TMEM151B: variants seen among roughly 807,000 people sequenced by gnomAD.
TMEM151B encodes the protein transmembrane protein 151B, also known as transmembrane protein 193.
A neutral mutation model predicts 33.0 loss-of-function variants in TMEM151B; 18 were observed. The ratio of observed to expected loss-of-function variants is 0.55; its 90% CI spans 0.38 to 0.81. The LOEUF is 0.81. Among genes scored for constraint, TMEM151B ranks in the 30% least tolerant of loss-of-function variants. The pLI is 0.00. For synonymous variants in TMEM151B, 354 were observed against 373.6 expected, an observed-to-expected ratio of 0.95 and a Z score of 0.61; for missense variants, 672 against 843.4, an observed-to-expected ratio of 0.80 and a Z score of 2.52.
chr6:44,275,863 G>A lies in TMEM151B; in HGVS notation c.1037G>A (p.Gly346Asp), dbSNP rs898300064. 6.5e-7 allele frequency: 1 copy of A among 1,541,822 alleles called. No homozygotes were observed. Among genetic ancestry groups the A allele is most frequent in the Middle Eastern group, 1.7e-4 (1 of 5,974 alleles). ...EGPGSASSAG[G>D]GLSPSDELLP... The stretch of plus-strand genomic sequence containing the variant: ...CCGGGCTCGGCCAGCAGCGCAGGCG[G>A]TGGCCTCAGCCCCAGCGATGAGCTG... The change falls in exon 3 of 3, where the codon GGT becomes GAT. Residue 346 changes from glycine to aspartate, a missense_variant. Gly to Asp is a moderately conservative substitution (Grantham distance 94). Transcript: ENST00000451188.
In TMEM151B at chr6:44,270,838, G is replaced by A; in HGVS notation, c.96G>A (p.Ala32=). Residue 32 remains alanine, a synonymous_variant, in exon 1 of 3, where the codon GCG becomes GCA. Coordinates refer to ENST00000451188, the MANE Select transcript of TMEM151B (RefSeq NM_001137560.2). The part of the protein sequence containing the change: ...PGVSEELTAA[A]AAAAADEGPA... ...TCTCGGAGGAGCTCACGGCGGCGGC[G>A]GCAGCGGCGGCGGCGGACGAGGGCC... 2 of 1,127,534 alleles carry A rather than the reference G, an allele frequency of 1.8e-6. 1 individual carries two copies. Among genetic ancestry groups the A allele is most frequent in the Non-Finnish European group, 2.2e-6 (2 of 923,510 alleles). The allele number at this position is 1,127,534 out of a possible 1,614,324, so 69.8% of individuals were successfully genotyped here. A position where few individuals can be genotyped will look rare whatever the true frequency, so the allele number is the denominator to read the frequency against.
rs1196721506 is a variant in TMEM151B, at chr6:44,276,218, T to G, written c.1392T>G (p.Gly464=). 1.6e-6 allele frequency: 2 copies of G among 1,288,734 alleles called. No individual in the cohort carries two copies. Among genetic ancestry groups the G allele is most frequent in the African/African-American group, 3.1e-5 (2 of 64,254 alleles). The allele number at this position is 1,288,734 out of a possible 1,614,324, so 79.8% of individuals were successfully genotyped here. ...GCCCGCGGGCCGGCCCGGGGCCCGG[T>G]GGGGGCGCGGGCTGCGGGGGCAGCC... The part of the protein sequence containing the change: ...CASPRAGPGP[G]GGAGCGGSRF... The change falls in exon 3 of 3, where the codon GGT becomes GGG. Residue 464 remains glycine, a synonymous_variant. Transcript: ENST00000451188.
In TMEM151B at chr6:44,275,891, GC is replaced by G. The variant is rs1225043125; in HGVS notation, c.1070del (p.Pro357ArgfsTer12). ...GGLSPSDELLPPLTHRLPRVN... is the reference protein window; with the variant it reads ...GGLSPSDELLXPLTHRLPRVN... ...GCCTCAGCCCCAGCGATGAGCTGCT[GC>G]CCCCGCTCACCCACCGCCTGCCGCG... On this transcript the variant is annotated frameshift_variant, in exon 3 of 3. Coordinates refer to ENST00000451188, the MANE Select transcript of TMEM151B (RefSeq NM_001137560.2). LOFTEE classifies it high-confidence loss of function. 4 of 1,534,472 alleles carry G rather than the reference GC, an allele frequency of 2.6e-6. No individual in the cohort carries two copies. Among genetic ancestry groups the G allele is most frequent in the Non-Finnish European group, 2.6e-6 (3 of 1,140,994 alleles).
Position 44,270,720 on chromosome 6 carries a change from G to C in TMEM151B, c.-23G>C. The C allele has an allele frequency of 9.5e-7, 1 of 1,049,160 alleles. No individual in the cohort carries two copies. Among genetic ancestry groups the C allele is most frequent in the Non-Finnish European group, 1.2e-6 (1 of 851,032 alleles). 65.0% of individuals were successfully genotyped at this position (1,049,160 alleles called of 1,614,324 possible). ...CTGGCAGCCCCCCGGGAGGTCCTGAGCTCGACGCGCCCCCTCTACGCCATG... is the reference window on the plus strand; with the variant it reads ...CTGGCAGCCCCCCGGGAGGTCCTGACCTCGACGCGCCCCCTCTACGCCATG... On this transcript the variant is annotated 5_prime_UTR_variant, in exon 1 of 3. Transcript: ENST00000451188.
rs1339349626 is a variant in TMEM151B at position 44,276,219 on chromosome 6, G to T, written c.1393G>T (p.Gly465Trp). 7.7e-7 allele frequency: 1 copy of T among 1,291,508 alleles called. No individual in the cohort carries two copies. Among genetic ancestry groups the T allele is most frequent in the Non-Finnish European group, 9.8e-7 (1 of 1,023,250 alleles). The allele number at this position is 1,291,508 out of a possible 1,614,324, so 80.0% of individuals were successfully genotyped here. A position where few individuals can be genotyped will look rare whatever the true frequency, so the allele number is the denominator to read the frequency against. The change falls in exon 3 of 3, where the codon GGG (glycine) becomes TGG (tryptophan). Residue 465 changes from glycine to tryptophan, a missense_variant. Gly to Trp is a radical substitution (Grantham distance 184). Transcript: ENST00000451188. ...ASPRAGPGPG[G>W]GAGCGGSRFS... Reference sequence around the variant, plus strand: ...CCCGCGGGCCGGCCCGGGGCCCGGTGGGGGCGCGGGCTGCGGGGGCAGCCG... The same window carrying T: ...CCCGCGGGCCGGCCCGGGGCCCGGTTGGGGCGCGGGCTGCGGGGGCAGCCG...
At chr6:44,274,944 C>A (rs929048207) in intron 2 of TMEM151B, among the ~76,000 whole-genome samples, 1 of 151,822 alleles carries the variant, frequency 6.6e-6, no homozygotes, top group African/African-American at 2.4e-5. Flanking sequence ...TAGTGAAACC[C>A]CGTCTCTACT....
Position 44,273,490 on chromosome 6 carries a change from C to G in TMEM151B, c.560C>G (p.Ala187Gly). The G allele has an allele frequency of 6.5e-7, 1 of 1,544,146 alleles. No individual in the cohort carries two copies. The highest frequency in any genetic ancestry group is 1.2e-5 in the South Asian group (1 of 83,922). Residue 187 changes from alanine to glycine, a missense_variant, in exon 2 of 3, where the codon GCC becomes GGC. This residue lies in a region of TMEM151B where 285 missense variants were observed against 423.1 expected (regional missense o/e 0.67). Coordinates refer to ENST00000451188, the MANE Select transcript of TMEM151B (RefSeq NM_001137560.2). ...RQVTRYRNGD[A>G]YTTTQVYHER... The stretch of plus-strand genomic sequence containing the variant: ...GTCACCAGATACCGCAATGGAGACG[C>G]CTATACCACCACCCAGGTGAGGAGC...
chr6:44,271,937 G>A (rs1437037102), intron 1 of TMEM151B, among the ~76,000 whole-genome samples: 1 of 151,314 alleles, frequency 6.6e-6, no homozygotes, highest in Non-Finnish European at 1.5e-5. Flanking sequence ...AAGCTAGACA[G>A]CACAGAGGAG....
rs897831668 is a variant in TMEM151B, at chr6:44,270,895, C to G, written c.135+18C>G. ...GAGAGGAGGTGAGAGTCTAGGGCGC[C>G]CCTTCCCCGGGCGCGGCCGCAGCCT... On this transcript the variant is annotated intron_variant, in intron 1 of 2. Coordinates refer to ENST00000451188, the MANE Select transcript of TMEM151B (RefSeq NM_001137560.2). 3 of 1,073,954 alleles carry G rather than the reference C, an allele frequency of 2.8e-6. No individual in the cohort carries two copies. The highest frequency in any genetic ancestry group is 3.4e-6 in the Non-Finnish European group (3 of 889,112). 66.5% of individuals were successfully genotyped at this position (1,073,954 alleles called of 1,614,324 possible).
rs1782605095 is a variant in TMEM151B, at chr6:44,276,694, G to A, written c.*167G>A. On this transcript the variant is annotated 3_prime_UTR_variant, in exon 3 of 3. Transcript: ENST00000451188. Reference sequence around the variant, plus strand: ...CCCGGATGGGGCCGAGACCCCCGCTGTCCCTGTACATAAAGAGACCGATGG... The same window carrying A: ...CCCGGATGGGGCCGAGACCCCCGCTATCCCTGTACATAAAGAGACCGATGG... 8.0e-7 allele frequency: 1 copy of A among 1,247,494 alleles called. No homozygotes were observed. The highest frequency in any genetic ancestry group is 1.0e-6 in the Non-Finnish European group (1 of 992,466). The allele number at this position is 1,247,494 out of a possible 1,614,324, so 77.3% of individuals were successfully genotyped here. A position where few individuals can be genotyped will look rare whatever the true frequency, so the allele number is the denominator to read the frequency against.
At position 44,275,435 on chromosome 6, in the gene TMEM151B, G is replaced by A. The variant is rs553795413; in HGVS notation, c.609G>A (p.Ala203=). The A allele has an allele frequency of 6.5e-6, 10 of 1,535,788 alleles. No individual in the cohort carries two copies. The highest frequency in any genetic ancestry group is 4.1e-5 in the African/African-American group (3 of 72,758). Residue 203 remains alanine (A), a synonymous_variant, in exon 3 of 3, where the codon GCG becomes GCA. Coordinates refer to ENST00000451188, the MANE Select transcript of TMEM151B (RefSeq NM_001137560.2). Reference sequence around the variant, plus strand: ...ACGAACGCGTCAACACGCACGTGGCGGAGGCTGAGTTCGACTACGCGCGCT... The same window carrying A: ...ACGAACGCGTCAACACGCACGTGGCAGAGGCTGAGTTCGACTACGCGCGCT... ...VYHERVNTHV[A]EAEFDYARCG...
rs1474467778 is a variant in TMEM151B, at chr6:44,275,559, G to A, written c.733G>A (p.Ala245Thr). The A allele has an allele frequency of 6.4e-7, 1 of 1,550,780 alleles. No individual in the cohort carries two copies. The highest frequency in any genetic ancestry group is 8.7e-7 in the Non-Finnish European group (1 of 1,146,658). Residue 245 changes from alanine to threonine, a missense_variant, in exon 3 of 3, where the codon GCC becomes ACC. By Grantham distance (58) the Ala-to-Thr change is moderately conservative. Transcript: ENST00000451188. The part of the protein sequence containing the change: ...TKCFSFASVE[A>T]ENAYLCQRAR... Reference sequence around the variant, plus strand: ...GTGCTTCAGTTTCGCCAGCGTGGAGGCCGAGAACGCGTACCTGTGCCAGCG... The same window carrying A: ...GTGCTTCAGTTTCGCCAGCGTGGAGACCGAGAACGCGTACCTGTGCCAGCG...
intron 1 of TMEM151B, 85 bp downstream of exon 1, chr6:44,270,962 C>T: frequency 1.1e-6 from 1 of 942,452 alleles, no homozygotes; most frequent in Non-Finnish European, 1.3e-6. Flanking sequence ...GCTGGTTCCG[C>T]CGCAGCGCGG....
At position 44,278,604 on chromosome 6, in the gene TMEM151B, A is replaced by G. The variant is rs2153339145; in HGVS notation, c.*2077A>G. On this transcript the variant is annotated 3_prime_UTR_variant, in exon 3 of 3. Coordinates refer to ENST00000451188, the MANE Select transcript of TMEM151B (RefSeq NM_001137560.2). ...CCTCCCTCAGGCCTGTTCCTGAGAC[A>G]GAGCCTGGTCTCACAAGAGGGGAAG... The G allele has an allele frequency of 6.6e-6, 1 of 152,314 alleles. No homozygotes were observed. Among genetic ancestry groups the G allele is most frequent in the Non-Finnish European group, 1.5e-5 (1 of 68,028 alleles). 9.4% of individuals were successfully genotyped at this position (152,314 alleles called of 1,614,324 possible).
Position 44,275,589 on chromosome 6 carries a change from C to T in TMEM151B, c.763C>T (p.Arg255Cys). The T allele has an allele frequency of 6.4e-7, 1 of 1,550,984 alleles. No individual in the cohort carries two copies. The highest frequency in any genetic ancestry group is 8.7e-7 in the Non-Finnish European group (1 of 1,146,708). The change falls in exon 3 of 3, where the codon CGC becomes TGC. Residue 255 changes from arginine to cysteine, a missense_variant. By Grantham distance (180) the Arg-to-Cys change is radical (BLOSUM62 -3). Around this residue, in one of 3 missense-constraint regions of TMEM151B, gnomAD observed 285 missense variants for 423.1 expected, o/e 0.67. Transcript: ENST00000451188. Reference protein sequence around the residue: ...AENAYLCQRARFFAENEGLDD... With the variant: ...AENAYLCQRACFFAENEGLDD... ...GAACGCGTACCTGTGCCAGCGCGCG[C>T]GCTTCTTCGCAGAGAACGAGGGCCT...
Position 44,273,357 on chromosome 6 carries a change from C to T in TMEM151B, c.427C>T (p.Arg143Cys), listed in dbSNP as rs748523273. ...HCQARHELQH[R>C]VDVSSVRERV... ...CCAAGCCCGCCATGAGCTGCAGCAC[C>T]GTGTTGATGTGAGCAGTGTGCGGGA... Residue 143 changes from arginine (R) to cysteine (C), a missense_variant, in exon 2 of 3, where the codon CGT becomes TGT. Physicochemically the swap from Arg to Cys is radical, Grantham distance 180. Coordinates refer to ENST00000451188, the MANE Select transcript of TMEM151B (RefSeq NM_001137560.2). 1.9e-6 allele frequency: 3 copies of T among 1,551,504 alleles called. No individual in the cohort carries two copies. In the Admixed American group the frequency reaches 5.9e-5, roughly 30 times the overall value.
At position 44,273,443 on chromosome 6, in the gene TMEM151B, C is replaced by T. The variant is rs776683212; in HGVS notation, c.513C>T (p.His171=). The change falls in exon 2 of 3, where the codon CAC becomes CAT. Residue 171 remains histidine, a synonymous_variant. Transcript: ENST00000451188. ...TCTGGTGGAAGGCCATCAGCTACCA[C>T]TATGTCCGCCGCACCCGCCAGGTCA... The part of the protein sequence containing the change: ...PCIWWKAISY[H]YVRRTRQVTR... 1.3e-6 allele frequency: 2 copies of T among 1,550,770 alleles called. No homozygotes were observed. The highest frequency in any genetic ancestry group is 1.7e-6 in the Non-Finnish European group (2 of 1,146,876).
Position 44,279,428 on chromosome 6 carries a change from C to T in TMEM151B, c.*2901C>T, listed in dbSNP as rs1782726041. ...AAATCAAACTGGTGGATAATAAAGT[C>T]GTGGATGACTCACTGACTTCCTGTC... On this transcript the variant is annotated 3_prime_UTR_variant, in exon 3 of 3. Coordinates refer to ENST00000451188, the MANE Select transcript of TMEM151B (RefSeq NM_001137560.2). 1.3e-5 allele frequency: 2 copies of T among 152,188 alleles called. No individual in the cohort carries two copies. 9.4% of individuals were successfully genotyped at this position (152,188 alleles called of 1,614,324 possible).
At chr6:44,272,886 T>C (rs1446902347) in intron 1 of TMEM151B, among the ~76,000 whole-genome samples, 180 bp from the exon 2 acceptor site, 1 of 152,180 alleles carries the variant, frequency 6.6e-6, no homozygotes, top group African/African-American at 2.4e-5. Context: ...CTTCTGTTTC[T>C]ACCTCTGGCC....
Sources: gnomAD v4.1 joint callset for allele counts (sites outside exome capture counted in the v4.1 genomes callset) on GRCh38, gnomAD v4.1.1 for gene constraint, gnomAD v4.1.1 regional missense constraint, MANE v1.5 for transcripts, NCBI Gene and HGNC (gene_info 2026-07-23, HGNC 2026-07-21) for gene names.